XKR4: variants seen among roughly 807,000 people sequenced by gnomAD.
The protein encoded by XKR4 is XK-related protein 4.
XKR4 carries 12 observed loss-of-function variants against 53.9 expected under a neutral mutation model. That is an observed-to-expected ratio of 0.22 (90% CI 0.14 to 0.36). XKR4 has a LOEUF of 0.36. Ranked by LOEUF, XKR4 falls within the 10% of genes least tolerant of loss-of-function variation. The probability of loss-of-function intolerance (pLI) is 1.00; values close to 1 mark genes in which losing one functional copy is unlikely to be tolerated. For missense variants in XKR4, 799 were observed against 859.5 expected (o/e 0.93, Z 0.88); for synonymous variants, 354 against 362.4 (o/e 0.98, Z 0.26).
chr8:55,121,529 T>C (rs1310388973), intron 1 of XKR4, among the ~76,000 whole-genome samples: 1 of 151,920 alleles, frequency 6.6e-6, no homozygotes, highest in Non-Finnish European at 1.5e-5. Context: ...TAATTATGCT[T>C]GATGAGAAAT....
chr8:55,435,742 A>C lies in XKR4; in HGVS notation c.1006+77865A>C, dbSNP rs557597936. Among the ~76,000 whole-genome samples the C allele has an allele frequency of 2.6e-5, 4 of 151,978 alleles. No individual in the cohort carries two copies. In the South Asian group the frequency reaches 8.4e-4, roughly 32 times the overall value. On this transcript the variant is annotated intron_variant, in intron 2 of 2. Coordinates refer to ENST00000327381, the MANE Select transcript of XKR4 (RefSeq NM_052898.2). ...TGCCACCACACCTAATTTTTTAAAA[A>C]ATTTTTATTGTGATAAGGTCTTGCC... is the stretch of plus-strand genomic sequence containing the variant.
chr8:55,321,860 G>A (rs917667374), intron 1 of XKR4, among the ~76,000 whole-genome samples: 5 of 152,074 alleles, frequency 3.3e-5, no homozygotes, highest in South Asian at 4.1e-4. Context: ...GTGGTGGCAC[G>A]CGCCTGTAGT....
intron 1 of XKR4, among the ~76,000 whole-genome samples, chr8:55,276,899 A>G (rs1563313551): frequency 6.6e-6 from 1 of 152,226 alleles, no homozygotes; most frequent in Non-Finnish European, 1.5e-5. Context: ...AGACAAACGA[A>G]AAGATAAATT....
rs1805789050 is a variant in XKR4 at position 55,467,236 on chromosome 8, AGCATCT to A, written c.1007-56043_1007-56038del. ...TGTGTGTCTCCAAGGCCAACAGGAC[AGCATCT>A]GTTCCTGCTTGGTGTCACTTGCCTC... On this transcript the variant is annotated intron_variant, in intron 2 of 2. Coordinates refer to ENST00000327381, the MANE Select transcript of XKR4 (RefSeq NM_052898.2). Among the ~76,000 whole-genome samples the A allele has an allele frequency of 2.0e-5, 3 of 152,146 alleles. No homozygotes were observed. In the South Asian group the frequency reaches 6.2e-4, roughly 31 times the overall value.
intron 1 of XKR4, among the ~76,000 whole-genome samples, chr8:55,356,834 G>A (rs1320442523): frequency 6.6e-6 from 1 of 152,086 alleles, no homozygotes; most frequent in Non-Finnish European, 1.5e-5. Flanking sequence ...CCAACCCTGA[G>A]ACAGCAAAAC....
chr8:55,460,099 C>T (rs1341841814), intron 2 of XKR4, among the ~76,000 whole-genome samples: 1 of 149,034 alleles, frequency 6.7e-6, no homozygotes, highest in Non-Finnish European at 1.5e-5. Context: ...TTCAGCAATA[C>T]AAAAGAATAA....
At chr8:55,427,090 A>G (rs1010453674) in intron 2 of XKR4, among the ~76,000 whole-genome samples, 1 of 152,220 alleles carries the variant, frequency 6.6e-6, no homozygotes, top group Non-Finnish European at 1.5e-5. Context: ...TTATTACTGT[A>G]GTACTACATT....
intron 1 of XKR4, among the ~76,000 whole-genome samples, chr8:55,212,602 G>C (rs1297058610): frequency 6.6e-6 from 1 of 152,184 alleles, no homozygotes; most frequent in African/African-American, 2.4e-5. Context: ...AATGCCATTG[G>C]CTGAGGAGAG....
chr8:55,154,390 T>C (rs1367758753), intron 1 of XKR4, among the ~76,000 whole-genome samples: 3 of 152,218 alleles, frequency 2.0e-5, no homozygotes, highest in African/African-American at 7.2e-5. Context: ...TCATATGTTT[T>C]ACAAACTTGA....
In XKR4 at chr8:55,332,284, A is replaced by T. The variant is rs566576557; in HGVS notation, c.807-25394A>T. Among the ~76,000 whole-genome samples, 7 of 152,268 alleles carry T rather than the reference A, an allele frequency of 4.6e-5. No individual in the cohort carries two copies. In the East Asian group the frequency reaches 1.3e-3, roughly 29 times the overall value. On this transcript the variant is annotated intron_variant, in intron 1 of 2. Transcript: ENST00000327381. ...AGCATATACCCACTAACATACATTC[A>T]TGTTATTTTTATGGATCTACCTTTT...
chr8:55,391,551 A>G (rs1214142194), intron 2 of XKR4, among the ~76,000 whole-genome samples: 1 of 152,232 alleles, frequency 6.6e-6, no homozygotes, highest in African/African-American at 2.4e-5. Flanking sequence ...GTGAAGAAAA[A>G]TACACATACA....
At chr8:55,168,572 A>G (rs553179711) in intron 1 of XKR4, among the ~76,000 whole-genome samples, 2 of 152,202 alleles carry the variant, frequency 1.3e-5, no homozygotes, top group African/African-American at 4.8e-5. Context: ...CTCACCTTGG[A>G]AAGAACAGAT....
chr8:55,496,287 T>C (rs907559129), intron 2 of XKR4, among the ~76,000 whole-genome samples: 1 of 152,226 alleles, frequency 6.6e-6, no homozygotes, highest in Non-Finnish European at 1.5e-5. Context: ...TTGTCTCTTA[T>C]TCACCCTGGC....
chr8:55,264,926 T>C (rs1818576153), intron 1 of XKR4, among the ~76,000 whole-genome samples: 1 of 152,226 alleles, frequency 6.6e-6, no homozygotes, highest in Admixed American at 6.5e-5. Context: ...TCTTTCCAAA[T>C]TCCAAACCAA....
intron 1 of XKR4, among the ~76,000 whole-genome samples, chr8:55,152,965 T>C (rs1313601712): frequency 6.6e-6 from 1 of 152,220 alleles, no homozygotes; most frequent in Admixed American, 6.5e-5. Flanking sequence ...CTTTATAGTA[T>C]GAACCCAGGG....
intron 1 of XKR4, among the ~76,000 whole-genome samples, chr8:55,159,938 A>G (rs1455823346): frequency 1.3e-5 from 2 of 152,192 alleles, no homozygotes; most frequent in Non-Finnish European, 2.9e-5. Flanking sequence ...TTCTCTGATC[A>G]CTTCTTGTCA....
intron 2 of XKR4, among the ~76,000 whole-genome samples, chr8:55,364,794 G>A (rs1364700401): frequency 3.3e-5 from 5 of 152,090 alleles, no homozygotes; most frequent in Non-Finnish European, 7.4e-5. Flanking sequence ...CACCACGCCC[G>A]ACTAATTTTG....
intron 1 of XKR4, among the ~76,000 whole-genome samples, chr8:55,120,127 C>T (rs930773814): frequency 6.6e-6 from 1 of 152,214 alleles, no homozygotes; most frequent in South Asian, 2.1e-4. Flanking sequence ...GGAAATTTCT[C>T]GACAGAAGTT....
intron 1 of XKR4, among the ~76,000 whole-genome samples, chr8:55,212,097 A>G (rs1029120190): frequency 1.3e-5 from 2 of 151,332 alleles, no homozygotes; most frequent in African/African-American, 4.9e-5. Flanking sequence ...TGGAATCAAT[A>G]GAAGGGAGTG....
Sources: allele counts gnomAD v4.1 joint callset (sites outside exome capture counted in the v4.1 genomes callset), GRCh38; gene constraint gnomAD v4.1.1; transcripts MANE v1.5; gene names NCBI Gene and HGNC (gene_info 2026-07-23, HGNC 2026-07-21).